The following TRABD2B variants were observed in gnomAD, a reference collection of about 807,000 sequenced individuals.
The protein encoded by TRABD2B is TraB domain containing 2B, also known as metalloprotease TIKI2.
A neutral mutation model predicts 40.1 loss-of-function variants in TRABD2B; 14 were observed. The ratio of observed to expected loss-of-function variants is 0.35; its 90% CI spans 0.23 to 0.55. TRABD2B has a LOEUF of 0.55. Among genes scored for constraint, TRABD2B ranks in the 20% least tolerant of loss-of-function variants. The pLI is 0.90. For missense variants in TRABD2B, 541 were observed against 648.6 expected, an observed-to-expected ratio of 0.83 and a Z score of 1.80; for synonymous variants, 263 against 277.0, an observed-to-expected ratio of 0.95 and a Z score of 0.50.
At chr1:47,794,528 G>C (rs1482608824) in intron 4 of TRABD2B, 58 bp downstream of exon 4, 19 of 1,464,916 alleles carry the variant, frequency 1.3e-5, no homozygotes, top group Non-Finnish European at 1.4e-5. Context: ...GGTTAGGGGA[G>C]AGCCAAGCAA....
At chr1:47,820,183 C>G (rs748648169) in intron 2 of TRABD2B, 1 of 152,210 alleles carries the variant, frequency 6.6e-6, no homozygotes, top group Non-Finnish European at 1.5e-5. Context: ...GTTCATTAGT[C>G]TATCTCCAGC....
chr1:47,938,046 A>C (rs1323900066), intron 2 of TRABD2B, among the ~76,000 whole-genome samples: 1 of 152,204 alleles, frequency 6.6e-6, no homozygotes, highest in Non-Finnish European at 1.5e-5. Flanking sequence ...GCCAGCCGCA[A>C]ATGGGGCCTA....
chr1:47,990,699 C>T (rs1297999332), intron 2 of TRABD2B, among the ~76,000 whole-genome samples: 3 of 146,930 alleles, frequency 2.0e-5, no homozygotes, highest in Non-Finnish European at 4.5e-5. Context: ...TAATTGCTGC[C>T]CCATTGGATG....
At chr1:47,857,113 C>T (rs1363558686) in intron 2 of TRABD2B, among the ~76,000 whole-genome samples, 1 of 152,214 alleles carries the variant, frequency 6.6e-6, no homozygotes, top group Non-Finnish European at 1.5e-5. Flanking sequence ...GGCCTCTGTT[C>T]ACCTTTATGT....
At chr1:47,968,673 T>C (rs1287962419) in intron 2 of TRABD2B, among the ~76,000 whole-genome samples, 2 of 152,254 alleles carry the variant, frequency 1.3e-5, no homozygotes, top group African/African-American at 2.4e-5. Context: ...CTGCTCTAAC[T>C]ACATCAAACA....
At chr1:47,970,084 TTGGTGAATGGA>T (rs1285581429) in intron 2 of TRABD2B, among the ~76,000 whole-genome samples, 2 of 152,076 alleles carry the variant, frequency 1.3e-5, no homozygotes, top group Admixed American at 1.3e-4. Context: ...TCAGCAAACA[TTGGTGAATGGA>T]TGAATGGGTA....
rs75543221 is a variant in TRABD2B at position 47,888,789 on chromosome 1, C to T, written c.667-87170G>A. 4.8e-3 allele frequency among the ~76,000 whole-genome samples: 727 copies of T among 152,298 alleles called. 6 individuals carry two copies. The highest frequency in any genetic ancestry group is 0.017 in the African/African-American group (711 of 41,574). On this transcript the variant is annotated intron_variant, in intron 2 of 6. Transcript: ENST00000606738. ...CCAGTGTGATCCTTGTCCCTTCCCA[C>T]GGACGCTGACTGCTGTTTCTGCCCA... is the stretch of plus-strand genomic sequence containing the variant.
intron 4 of TRABD2B, among the ~76,000 whole-genome samples, chr1:47,792,171 G>A (rs932872947): frequency 6.6e-6 from 1 of 152,348 alleles, no homozygotes; most frequent in South Asian, 2.1e-4. Flanking sequence ...GAGAGCGGAG[G>A]TGAGTCTCCC....
At position 47,984,890 on chromosome 1, in the gene TRABD2B, A is replaced by G. The variant is rs145398125; in HGVS notation, c.666+9144T>C. Among the ~76,000 whole-genome samples, 3 of 152,322 alleles carry G rather than the reference A, an allele frequency of 2.0e-5. No individual in the cohort carries two copies. The East Asian group carries it at 5.8e-4, about 29-fold the overall frequency. On this transcript the variant is annotated intron_variant, in intron 2 of 6. Transcript: ENST00000606738. The stretch of plus-strand genomic sequence containing the variant: ...CTACCAAGAAAGGAAGCACCTGGGC[A>G]ACAGCAACGTTCTTCTCGCTCACTA...
At chr1:47,828,302 C>G (rs997361184) in intron 2 of TRABD2B, among the ~76,000 whole-genome samples, 7 of 152,314 alleles carry the variant, frequency 4.6e-5, no homozygotes, top group Non-Finnish European at 8.8e-5. Context: ...CCTCCTTCCT[C>G]ACAAACAGGC....
At chr1:47,778,590 C>T (rs749820076) in intron 4 of TRABD2B, 46 bp from the exon 5 acceptor site, 336 of 1,421,428 alleles carry the variant, frequency 2.4e-4, no homozygotes, top group Non-Finnish European at 2.2e-4. Flanking sequence ...GCCAGGCCAC[C>T]GGCCACAGGG....
rs532286160 is a variant in TRABD2B, at chr1:47,864,310, T to C, written c.667-62691A>G. 1.2e-4 allele frequency among the ~76,000 whole-genome samples: 19 copies of C among 152,026 alleles called. No homozygotes were observed. The East Asian group carries it at 3.3e-3, about 26-fold the overall frequency. Reference sequence around the variant, plus strand: ...TGTAATGATGGACACATGTCCATCATTGGTGGACACGTGTCAATGAAGGTT... The same window carrying C: ...TGTAATGATGGACACATGTCCATCACTGGTGGACACGTGTCAATGAAGGTT... On this transcript the variant is annotated intron_variant, in intron 2 of 6. Transcript: ENST00000606738.
chr1:47,971,115 G>A (rs189344644), intron 2 of TRABD2B, among the ~76,000 whole-genome samples: 7 of 152,314 alleles, frequency 4.6e-5, no homozygotes, highest in Admixed American at 4.6e-4. Flanking sequence ...AATCAGGCTT[G>A]GAAATGGAAG....
chr1:47,883,290 T>C (rs1644329458), intron 2 of TRABD2B, among the ~76,000 whole-genome samples: 1 of 152,170 alleles, frequency 6.6e-6, no homozygotes, highest in African/African-American at 2.4e-5. Context: ...GGTCTTGACA[T>C]TGTCTCAAAA....
chr1:47,964,909 AC>A (rs1213807173), intron 2 of TRABD2B, among the ~76,000 whole-genome samples: 1 of 151,794 alleles, frequency 6.6e-6, no homozygotes, highest in Non-Finnish European at 1.5e-5. Flanking sequence ...CCCACTTCCT[AC>A]CCCAGGCAGA....
chr1:47,972,871 C>T (rs965708077), intron 2 of TRABD2B, among the ~76,000 whole-genome samples: 2 of 152,154 alleles, frequency 1.3e-5, no homozygotes, highest in Non-Finnish European at 2.9e-5. Context: ...TCCAGGGAGC[C>T]CTCCTGGATC....
chr1:47,816,882 T>C lies in TRABD2B; in HGVS notation c.667-15263A>G, dbSNP rs985114997. On this transcript the variant is annotated intron_variant, in intron 2 of 6. Transcript: ENST00000606738. ...ACAAAGGAGGCACAGAGAGGTTAAG[T>C]GACTTTCCTGAGGTCACACAGCAAG... Among the ~76,000 whole-genome samples, 6 of 152,322 alleles carry C rather than the reference T, an allele frequency of 3.9e-5. No individual in the cohort carries two copies. In the East Asian group the frequency reaches 1.2e-3, roughly 29 times the overall value.
chr1:47,955,120 C>T (rs1645399868), intron 2 of TRABD2B, among the ~76,000 whole-genome samples: 1 of 152,216 alleles, frequency 6.6e-6, no homozygotes, highest in African/African-American at 2.4e-5. Flanking sequence ...CCCATCCACA[C>T]ATGTCTTCTG....
chr1:47,848,464 T>C (rs1264725213), intron 2 of TRABD2B, among the ~76,000 whole-genome samples: 1 of 152,074 alleles, frequency 6.6e-6, no homozygotes, highest in Admixed American at 6.5e-5. Context: ...CCACAGGGGA[T>C]TTAAGAATGT....
Sources: gnomAD v4.1 joint callset for allele counts (sites outside exome capture counted in the v4.1 genomes callset) on GRCh38, gnomAD v4.1.1 for gene constraint, MANE v1.5 for transcripts, NCBI Gene and HGNC (gene_info 2026-07-23, HGNC 2026-07-21) for gene names.